The following ATG5 variants were observed in gnomAD, a reference collection of about 807,000 sequenced individuals.
ATG5 encodes autophagy related 5, also known as autophagy protein 5.
ATG5 carries 14 observed loss-of-function variants against 36.5 expected under a neutral mutation model. That is an observed-to-expected ratio of 0.38 (90% CI 0.25 to 0.60). The LOEUF is 0.60. Among genes scored for constraint, ATG5 ranks in the 20% least tolerant of loss-of-function variants. ATG5 has a pLI of 0.60. For missense variants in ATG5, 195 were observed against 326.7 expected (o/e 0.60, Z 3.11); for synonymous variants, 95 against 101.5 (o/e 0.94, Z 0.38).
At chr6:106,188,565 T>A (rs1244910708) in intron 7 of ATG5, among the ~76,000 whole-genome samples, 1 of 152,188 alleles carries the variant, frequency 6.6e-6, no homozygotes, top group East Asian at 1.9e-4. Flanking sequence ...CCACTGATGA[T>A]GCACAGTGTA....
chr6:106,289,053 G>A (rs1456378989), intron 4 of ATG5, among the ~76,000 whole-genome samples: 1 of 152,102 alleles, frequency 6.6e-6, no homozygotes, highest in Non-Finnish European at 1.5e-5. Context: ...ATTCTAAGAA[G>A]TCTGGTTAAA....
At position 106,186,570 on chromosome 6, in the gene ATG5, A is replaced by G; in HGVS notation, c.798T>C (p.His266=). 2 of 1,613,832 alleles carry G rather than the reference A, an allele frequency of 1.2e-6. No individual in the cohort carries two copies. Among genetic ancestry groups the G allele is most frequent in the African/African-American group, 1.3e-5 (1 of 75,048 alleles). The part of the protein sequence containing the change: ...EHLSYPDNFL[H]ISIIPQPTD ...CTGTTGGCTGTGGGATGATACTAAT[A>G]TGAAGAAAATTATCCGGGTAGCTCA... Residue 266 remains histidine, a synonymous_variant, in exon 8 of 8, where the codon CAT becomes CAC. Coordinates refer to ENST00000369076, the MANE Select transcript of ATG5 (RefSeq NM_004849.4).
chr6:106,211,365 G>A (rs573074957), intron 6 of ATG5, among the ~76,000 whole-genome samples: 3 of 152,268 alleles, frequency 2.0e-5, no homozygotes, highest in East Asian at 3.9e-4. Flanking sequence ...AGTCTCCTAC[G>A]GACACAGCAG....
At chr6:106,239,892 C>G (rs1778049086) in intron 6 of ATG5, among the ~76,000 whole-genome samples, 1 of 152,230 alleles carries the variant, frequency 6.6e-6, no homozygotes, top group South Asian at 2.1e-4. Flanking sequence ...CTGAAAATAT[C>G]TACTATCTGG....
chr6:106,188,959 C>A (rs1775872277), intron 7 of ATG5, among the ~76,000 whole-genome samples: 1 of 152,096 alleles, frequency 6.6e-6, no homozygotes, highest in Non-Finnish European at 1.5e-5. Context: ...CAGAGGGATT[C>A]TTAGAATAGG....
intron 7 of ATG5, among the ~76,000 whole-genome samples, chr6:106,194,670 T>C (rs969078667): frequency 3.3e-5 from 5 of 152,100 alleles, no homozygotes; most frequent in Non-Finnish European, 7.4e-5. Flanking sequence ...CCCAAGTAGC[T>C]GGGATTACAG....
intron 7 of ATG5, among the ~76,000 whole-genome samples, chr6:106,194,545 C>CTT (rs3216460): frequency 7.2e-5 from 10 of 139,026 alleles, no homozygotes; most frequent in South Asian, 2.3e-4. Context: ...TTTTCTTTTT[C>CTT]TTTTTTTTTT....
At chr6:106,295,634 G>C (rs1292575587) in intron 3 of ATG5, among the ~76,000 whole-genome samples, 1 of 151,288 alleles carries the variant, frequency 6.6e-6, no homozygotes, top group East Asian at 1.9e-4. Context: ...TGCAGTCAGA[G>C]CTCACTACAA....
intron 7 of ATG5, among the ~76,000 whole-genome samples, chr6:106,199,875 ATG>A (rs1776350214): frequency 6.6e-6 from 1 of 152,188 alleles, no homozygotes; most frequent in African/African-American, 2.4e-5. Context: ...AGATACATGG[ATG>A]TGTGTAAGAC....
chr6:106,296,396 T>C (rs960552624), intron 3 of ATG5, among the ~76,000 whole-genome samples: 5 of 152,176 alleles, frequency 3.3e-5, no homozygotes, highest in African/African-American at 1.2e-4. Flanking sequence ...TTATTCCCAA[T>C]AAGACACTAA....
intron 6 of ATG5, among the ~76,000 whole-genome samples, chr6:106,244,617 G>C (rs1400316296): frequency 6.6e-6 from 1 of 152,162 alleles, no homozygotes; most frequent in Non-Finnish European, 1.5e-5. Context: ...TTATTGCACT[G>C]TATGTCTCTT....
intron 5 of ATG5, among the ~76,000 whole-genome samples, chr6:106,269,829 T>C (rs1281734103): frequency 6.6e-6 from 1 of 152,226 alleles, no homozygotes; most frequent in Non-Finnish European, 1.5e-5. Flanking sequence ...GCTCCAGCCT[T>C]GGCCAGCCCA....
In ATG5 at chr6:106,202,101, A is replaced by G; in HGVS notation, c.574-12T>C. On this transcript the variant is annotated splice_polypyrimidine_tract_variant and intron_variant, in intron 6 of 7. Coordinates refer to ENST00000369076, the MANE Select transcript of ATG5 (RefSeq NM_004849.4). ...CTTTCAGTCGTTGTCTATTTGAAAA[A>G]GGAAAAAATGATTCAAGCAATTAAG... 1 of 1,603,970 alleles carries G rather than the reference A, an allele frequency of 6.2e-7. No individual in the cohort carries two copies. Among genetic ancestry groups the G allele is most frequent in the Non-Finnish European group, 8.5e-7 (1 of 1,171,904 alleles).
chr6:106,285,812 A>C (rs1410854022), intron 4 of ATG5, among the ~76,000 whole-genome samples: 22 of 152,192 alleles, frequency 1.4e-4, no homozygotes, highest in Admixed American at 1.4e-3. Context: ...TATTTTTTTA[A>C]ATTTTTTTCT....
chr6:106,229,462 G>C (rs1306212168), intron 6 of ATG5, among the ~76,000 whole-genome samples: 2 of 152,022 alleles, frequency 1.3e-5, no homozygotes, highest in Non-Finnish European at 2.9e-5. Flanking sequence ...AGGGAGGACA[G>C]GGAGAGAGAC....
chr6:106,240,677 T>A (rs1778086933), intron 6 of ATG5, among the ~76,000 whole-genome samples: 2 of 152,028 alleles, frequency 1.3e-5, no homozygotes, highest in South Asian at 4.1e-4. Flanking sequence ...ATTTTTTTTT[T>A]AATCTCTACC....
chr6:106,186,582 ATCCGGG>A lies in ATG5; in HGVS notation c.780_785del (p.Pro261_Asp262del). ...GGATGATACTAATATGAAGAAAATTATCCGGGTAGCTCAGATGTTCACTCAGCCACT... is the reference window on the plus strand; with the variant it reads ...GGATGATACTAATATGAAGAAAATTATAGCTCAGATGTTCACTCAGCCACT... On this transcript the variant is annotated inframe_deletion, in exon 8 of 8. Coordinates refer to ENST00000369076, the MANE Select transcript of ATG5 (RefSeq NM_004849.4). 6.2e-7 allele frequency: 1 copy of A among 1,613,826 alleles called. No homozygotes were observed.
chr6:106,195,013 C>T (rs117646515), intron 7 of ATG5, among the ~76,000 whole-genome samples: 175 of 152,262 alleles, frequency 1.1e-3, no homozygotes, highest in Middle Eastern at 0.01. Context: ...CCTGAGCTCA[C>T]CTTTGGTCAT....
chr6:106,284,907 G>A (rs1247653512), intron 4 of ATG5, among the ~76,000 whole-genome samples: 1 of 151,988 alleles, frequency 6.6e-6, no homozygotes, highest in Non-Finnish European at 1.5e-5. Context: ...TTATTAGATA[G>A]TATATGATTT....
Sources: gnomAD v4.1 joint callset for allele counts (sites outside exome capture counted in the v4.1 genomes callset) on GRCh38, gnomAD v4.1.1 for gene constraint, MANE v1.5 for transcripts, NCBI Gene and HGNC (gene_info 2026-07-23, HGNC 2026-07-21) for gene names.